The following PDE2A variants were observed in gnomAD, a reference collection of about 807,000 sequenced individuals.
PDE2A encodes the protein cGMP-dependent 3',5'-cyclic phosphodiesterase.
In PDE2A, 53 loss-of-function variants were observed where a neutral mutation model predicts 133.6. The ratio of observed to expected loss-of-function variants is 0.40; its 90% CI spans 0.32 to 0.50. The LOEUF (loss-of-function observed/expected upper bound fraction) is 0.50. Among genes scored for constraint, PDE2A ranks in the 20% least tolerant of loss-of-function variants. PDE2A has a pLI of 0.73. For missense variants in PDE2A, 796 were observed against 1,232.4 expected, an observed-to-expected ratio of 0.65 and a Z score of 5.30; for synonymous variants, 491 against 490.2, an observed-to-expected ratio of 1.00 and a Z score of -0.02.
At chr11:72,623,089 A>T (rs571766191) in intron 2 of PDE2A, among the ~76,000 whole-genome samples, 2 of 152,096 alleles carry the variant, frequency 1.3e-5, no homozygotes, top group South Asian at 2.1e-4. Flanking sequence ...TCACAGCCCA[A>T]CGTCTCCAAA....
intron 1 of PDE2A, chr11:72,652,604 A>G (rs1401210979): frequency 6.6e-6 from 3 of 456,296 alleles, no homozygotes. Flanking sequence ...GGGAATGGCC[A>G]TTGATGACCA....
intron 10 of PDE2A, 26 bp downstream of exon 10, chr11:72,589,881 G>A: frequency 6.2e-7 from 1 of 1,609,734 alleles, no homozygotes; most frequent in Non-Finnish European, 8.5e-7. Context: ...CCCCGCCCCC[G>A]CTCTACAGTG....
chr11:72,609,507 A>G (rs1857109839), intron 2 of PDE2A, among the ~76,000 whole-genome samples: 1 of 152,200 alleles, frequency 6.6e-6, no homozygotes, highest in African/African-American at 2.4e-5. Context: ...TGGCAACTAT[A>G]GGAGGAGAAG....
At position 72,586,120 on chromosome 11, in the gene PDE2A, T is replaced by A; in HGVS notation, c.1132A>T (p.Thr378Ser). ...HCFHYTSTVLTSTLAFQKEQK... is the reference protein window; with the variant it reads ...HCFHYTSTVLSSTLAFQKEQK... Reference sequence around the variant, plus strand: ...TCCTTCTGGAAGGCCAGGGTGCTGGTGAGCACGGTGCTGGTGTAGTGGAAG... The same window carrying A: ...TCCTTCTGGAAGGCCAGGGTGCTGGAGAGCACGGTGCTGGTGTAGTGGAAG... The change falls in exon 14 of 31, where the codon ACC becomes TCC. Residue 378 changes from threonine to serine, a missense_variant. Physicochemically the swap from Thr to Ser is moderately conservative, Grantham distance 58 (BLOSUM62 1). This residue lies in a region of PDE2A where 31 missense variants were observed against 70.2 expected (regional missense o/e 0.44). Coordinates refer to ENST00000334456, the MANE Select transcript of PDE2A (RefSeq NM_002599.5). The A allele has an allele frequency of 6.2e-7, 1 of 1,613,156 alleles. No individual in the cohort carries two copies. The highest frequency in any genetic ancestry group is 8.5e-7 in the Non-Finnish European group (1 of 1,179,568).
chr11:72,579,710 G>A (rs1038658021), intron 25 of PDE2A, 102 bp from the exon 26 acceptor site: 25 of 782,340 alleles, frequency 3.2e-5, no homozygotes, highest in Non-Finnish European at 4.6e-5. Flanking sequence ...CCAGCCCCCA[G>A]GTCAGCAGAG....
At chr11:72,649,653 T>G (rs1014912471) in intron 1 of PDE2A, among the ~76,000 whole-genome samples, 3 of 152,180 alleles carry the variant, frequency 2.0e-5, no homozygotes, top group Admixed American at 2.0e-4. Flanking sequence ...TGAACCCCTT[T>G]CTGGAGTCAC....
At chr11:72,580,864 TG>T in intron 24 of PDE2A, 21 bp downstream of exon 24, 1 of 1,453,540 alleles carries the variant, frequency 6.9e-7, no homozygotes, top group Non-Finnish European at 9.7e-7. Flanking sequence ...GGGTCCCCAC[TG>T]TGAGCAGGGC....
intron 4 of PDE2A, among the ~76,000 whole-genome samples, chr11:72,602,450 T>C (rs896540407): frequency 6.6e-6 from 1 of 151,894 alleles, no homozygotes; most frequent in African/African-American, 2.4e-5. Context: ...TTTCCTGGAG[T>C]AGCACCCTCC....
chr11:72,582,107 A>G (rs1855751048), intron 21 of PDE2A, 160 bp from the exon 22 acceptor site: 1 of 642,842 alleles, frequency 1.6e-6, no homozygotes, highest in African/African-American at 1.8e-5. Flanking sequence ...TCTCGGAGCT[A>G]TGCATTTTTA....
rs370820755 is a variant in PDE2A, at chr11:72,639,791, G to A, written c.144+2463C>T. 5.3e-5 allele frequency among the ~76,000 whole-genome samples: 8 copies of A among 152,312 alleles called. No homozygotes were observed. The South Asian group carries it at 1.7e-3, about 32-fold the overall frequency. On this transcript the variant is annotated intron_variant, in intron 2 of 30. Coordinates refer to ENST00000334456, the MANE Select transcript of PDE2A (RefSeq NM_002599.5). ...TGAAGGGCAAAGGGTAGGGGCAGCTGGGGTTGGGGGGGCATGGAGAACATT... is the reference window on the plus strand; with the variant it reads ...TGAAGGGCAAAGGGTAGGGGCAGCTAGGGTTGGGGGGGCATGGAGAACATT...
chr11:72,614,064 C>T lies in PDE2A; in HGVS notation c.145-5313G>A, dbSNP rs1591071113. ...CTCGGCCCCTGGCCTCAGCCCAGCA[C>T]CCAAGCTGACTCTATGCCTCCTCGC... On this transcript the variant is annotated intron_variant, in intron 2 of 30. Transcript: ENST00000334456. 2.0e-5 allele frequency among the ~76,000 whole-genome samples: 3 copies of T among 152,368 alleles called. No individual in the cohort carries two copies. The South Asian group carries it at 6.2e-4, about 32-fold the overall frequency.
intron 1 of PDE2A, among the ~76,000 whole-genome samples, chr11:72,657,280 AG>A (rs1854926139): frequency 6.6e-6 from 1 of 152,090 alleles, no homozygotes. Context: ...GGAGGGGAAA[AG>A]GGTTGGCAGC....
intron 1 of PDE2A, among the ~76,000 whole-genome samples, chr11:72,653,058 G>A (rs577070373): frequency 7.2e-5 from 11 of 152,352 alleles, no homozygotes; most frequent in Non-Finnish European, 5.9e-5. Context: ...CTAAGCACCC[G>A]TCGCTATGGA....
chr11:72,630,444 C>T (rs374353581), intron 2 of PDE2A, among the ~76,000 whole-genome samples: 6 of 151,912 alleles, frequency 3.9e-5, no homozygotes, highest in African/African-American at 1.4e-4. Context: ...AGAGGACTTC[C>T]CAGAGGAAAG....
intron 30 of PDE2A, 116 bp from the exon 31 acceptor site, chr11:72,577,710 C>A (rs11235542): frequency 2.8e-6 from 2 of 722,248 alleles, no homozygotes; most frequent in Non-Finnish European, 4.8e-6. Flanking sequence ...CGGTAGCTCA[C>A]GCCTGTAATC....
At chr11:72,616,653 G>A (rs1431322111) in intron 2 of PDE2A, among the ~76,000 whole-genome samples, 1 of 152,238 alleles carries the variant, frequency 6.6e-6, no homozygotes, top group Admixed American at 6.5e-5. Context: ...TCTCAGAGAA[G>A]GAGCCTGAGG....
chr11:72,580,499 A>G (rs1855673564), intron 25 of PDE2A, 78 bp downstream of exon 25: 1 of 1,054,504 alleles, frequency 9.5e-7, no homozygotes, highest in African/African-American at 1.6e-5. Flanking sequence ...GTTTGGGAAT[A>G]GGAGGAGCTG....
intron 1 of PDE2A, among the ~76,000 whole-genome samples, chr11:72,649,685 C>T (rs144297530): frequency 6.6e-6 from 1 of 152,312 alleles, no homozygotes; most frequent in Non-Finnish European, 1.5e-5. Context: ...AGCCCCTACC[C>T]TGCTTGCACA....
At chr11:72,635,335 G>T (rs1361428563) in intron 2 of PDE2A, among the ~76,000 whole-genome samples, 1 of 152,184 alleles carries the variant, frequency 6.6e-6, no homozygotes. Context: ...TGTCTCCATT[G>T]CTTCTTGTTA....
Sources: allele counts gnomAD v4.1 joint callset (sites outside exome capture counted in the v4.1 genomes callset), GRCh38; gene constraint gnomAD v4.1.1; regional missense constraint gnomAD v4.1.1; transcripts MANE v1.5; gene names NCBI Gene and HGNC (gene_info 2026-07-23, HGNC 2026-07-21).